TRIP12: variants seen among roughly 807,000 people sequenced by gnomAD.
The protein encoded by TRIP12 is thyroid hormone receptor interactor 12, also known as E3 ubiquitin-protein ligase TRIP12.
In TRIP12, 25 loss-of-function variants were observed where a neutral mutation model predicts 244.2. That is an observed-to-expected ratio of 0.10 (90% CI 0.07 to 0.14). The LOEUF is 0.14. Among genes scored for constraint, TRIP12 ranks in the 10% least tolerant of loss-of-function variants. TRIP12 has a pLI of 1.00. For missense variants in TRIP12, 1,677 were observed against 2,486.4 expected (o/e 0.67, Z 6.92); for synonymous variants, 905 against 873.1 (o/e 1.04, Z -0.64).
rs755013022 is a variant in TRIP12, at chr2:229,778,639, C to A, written c.5210-52G>T. Reference sequence around the variant, plus strand: ...TCAGATGATGTTTCCAAAAACAAAACAAAACCTGGTAACTAAGAACATTTA... The same window carrying A: ...TCAGATGATGTTTCCAAAAACAAAAAAAAACCTGGTAACTAAGAACATTTA... On this transcript the variant is annotated intron_variant, in intron 35 of 41. Coordinates refer to ENST00000675903, the MANE Select transcript of TRIP12 (RefSeq NM_001348323.3). This position sits in a 1 kb window ranked among gnomAD's most constrained non-coding sequence, Gnocchi z 4.1. The A allele has an allele frequency of 1.3e-6, 2 of 1,579,578 alleles. No homozygotes were observed. The highest frequency in any genetic ancestry group is 1.7e-6 in the Non-Finnish European group (2 of 1,165,206).
chr2:229,792,090 T>C (rs756065478), intron 28 of TRIP12, 25 bp from the exon 29 acceptor site: 1 of 1,614,010 alleles, frequency 6.2e-7, no homozygotes, highest in South Asian at 1.1e-5. Context: ...GCAAAAGCCA[T>C]TTAAGCCAAA....
intron 34 of TRIP12, among the ~76,000 whole-genome samples, chr2:229,784,988 A>G (rs573023200): frequency 1.3e-5 from 2 of 152,376 alleles, no homozygotes; most frequent in South Asian, 4.1e-4. Context: ...GTTCACAGCA[A>G]TGTTACTCAA....
intron 11 of TRIP12, 92 bp downstream of exon 11, chr2:229,815,007 A>C (rs2048150099): frequency 1.0e-6 from 1 of 964,538 alleles, no homozygotes. Context: ...TAAAAAATAT[A>C]CTTTATTTAG....
At chr2:229,839,540 A>T (rs1268825571) in intron 5 of TRIP12, among the ~76,000 whole-genome samples, 1 of 152,056 alleles carries the variant, frequency 6.6e-6, no homozygotes, top group Non-Finnish European at 1.5e-5. Flanking sequence ...TTAGCTGGGC[A>T]TGGTGGCGGG....
intron 9 of TRIP12, among the ~76,000 whole-genome samples, chr2:229,815,824 T>G (rs892799925): frequency 6.6e-6 from 1 of 152,188 alleles, no homozygotes; most frequent in African/African-American, 2.4e-5. Flanking sequence ...AATTTAAACA[T>G]AAGATAGATC....
At chr2:229,848,126 C>G (rs1038400070) in intron 4 of TRIP12, among the ~76,000 whole-genome samples, 2 of 152,074 alleles carry the variant, frequency 1.3e-5, no homozygotes, top group African/African-American at 4.8e-5. Context: ...AGGAAGTTTA[C>G]AACAAAATGA....
chr2:229,807,117 C>G (rs1289692842), intron 17 of TRIP12, among the ~76,000 whole-genome samples: 2 of 152,100 alleles, frequency 1.3e-5, no homozygotes, highest in African/African-American at 4.8e-5. Flanking sequence ...TACATTCCTC[C>G]CCTTTGTATT....
At chr2:229,851,465 C>G (rs530898217) in intron 4 of TRIP12, among the ~76,000 whole-genome samples, 14 of 152,220 alleles carry the variant, frequency 9.2e-5, no homozygotes, top group African/African-American at 2.6e-4. Context: ...ACAGACCACT[C>G]GGCTCTACCA....
chr2:229,858,688 C>A, intron 4 of TRIP12, 84 bp downstream of exon 4: 1 of 1,230,486 alleles, frequency 8.1e-7, no homozygotes, highest in Non-Finnish European at 1.1e-6. Flanking sequence ...GGGGAAAAAA[C>A]CCTTAACTTT....
intron 1 of TRIP12, among the ~76,000 whole-genome samples, chr2:229,908,234 A>G (rs1379647277): frequency 6.6e-6 from 1 of 152,174 alleles, no homozygotes; most frequent in Non-Finnish European, 1.5e-5. Context: ...ACACCAGTGG[A>G]CTGACCTAGA....
chr2:229,884,146 T>C (rs1463825691), intron 1 of TRIP12, among the ~76,000 whole-genome samples: 1 of 151,972 alleles, frequency 6.6e-6, no homozygotes, highest in East Asian at 1.9e-4. Flanking sequence ...TTGTTTTATA[T>C]TTACATTTAA....
At chr2:229,912,708 T>C (rs574417023) in intron 1 of TRIP12, among the ~76,000 whole-genome samples, 3 of 152,316 alleles carry the variant, frequency 2.0e-5, no homozygotes, top group East Asian at 3.9e-4. Context: ...ATATGCACAA[T>C]GTTAGATGTT....
chr2:229,911,195 C>T (rs1577096341), intron 1 of TRIP12, among the ~76,000 whole-genome samples: 1 of 152,178 alleles, frequency 6.6e-6, no homozygotes, highest in Non-Finnish European at 1.5e-5. Flanking sequence ...AAATGTTGGA[C>T]AATACAGCCT....
chr2:229,776,781 A>G (rs1020283862), intron 37 of TRIP12, among the ~76,000 whole-genome samples: 1 of 152,200 alleles, frequency 6.6e-6, no homozygotes, highest in Non-Finnish European at 1.5e-5. Flanking sequence ...TAATTTATCT[A>G]TTGTTAATTA....
intron 21 of TRIP12, among the ~76,000 whole-genome samples, chr2:229,799,672 G>C (rs2043756729): frequency 6.6e-6 from 1 of 152,062 alleles, no homozygotes; most frequent in Non-Finnish European, 1.5e-5. Flanking sequence ...CTACTGAGGA[G>C]GCTGAGGCAG....
intron 39 of TRIP12, 56 bp from the exon 40 acceptor site, chr2:229,769,381 G>C (rs1363803912): frequency 6.4e-6 from 10 of 1,552,348 alleles, no homozygotes; most frequent in Non-Finnish European, 8.0e-6. Context: ...GTTTACGTGA[G>C]TGAAAATAAA....
intron 27 of TRIP12, 93 bp downstream of exon 27, chr2:229,792,880 A>G: frequency 7.7e-7 from 1 of 1,303,860 alleles, no homozygotes; most frequent in Non-Finnish European, 1.0e-6. Flanking sequence ...TAACAGAAAC[A>G]ACATTAAACA....
At chr2:229,769,106 GAC>G in intron 40 of TRIP12, 123 bp downstream of exon 40, 2 of 739,536 alleles carry the variant, frequency 2.7e-6, no homozygotes, top group Non-Finnish European at 4.3e-6. Flanking sequence ...TTAACAGGTA[GAC>G]ACATTTTAAA....
At chr2:229,837,083 T>G in intron 5 of TRIP12, 99 bp from the exon 6 acceptor site, 1 of 1,250,484 alleles carries the variant, frequency 8.0e-7, no homozygotes, top group Non-Finnish European at 1.0e-6. Flanking sequence ...AAAGCCAGTT[T>G]CTTCTTCGTC....
Sources: gnomAD v4.1 joint callset for allele counts (sites outside exome capture counted in the v4.1 genomes callset) on GRCh38, gnomAD v4.1.1 for gene constraint, Gnocchi (gnomAD v3.1) non-coding constraint, MANE v1.5 for transcripts, NCBI Gene and HGNC (gene_info 2026-07-23, HGNC 2026-07-21) for gene names.